The following TCERG1L variants were observed in gnomAD, a reference collection of about 807,000 sequenced individuals.
The protein encoded by TCERG1L is transcription elongation regulator 1-like protein.
In TCERG1L, 37 loss-of-function variants were observed where a neutral mutation model predicts 56.3. The ratio of observed to expected loss-of-function variants is 0.66; its 90% CI spans 0.51 to 0.87. The LOEUF (loss-of-function observed/expected upper bound fraction) is 0.87. Ranked by LOEUF, TCERG1L falls within the 40% of genes least tolerant of loss-of-function variation. TCERG1L has a pLI of 0.00. For missense variants in TCERG1L, 799 were observed against 774.2 expected, an observed-to-expected ratio of 1.03 and a Z score of -0.38; for synonymous variants, 324 against 326.3, an observed-to-expected ratio of 0.99 and a Z score of 0.08.
rs116748158 is a variant in TCERG1L, at chr10:131,151,955, C to T, written c.1035-5295G>A. Reference sequence around the variant, plus strand: ...CAATGGCCTGAGATGTACTTTTGCCCCTTTTAGCCATGGCTGATGCTGAAG... The same window carrying T: ...CAATGGCCTGAGATGTACTTTTGCCTCTTTTAGCCATGGCTGATGCTGAAG... On this transcript the variant is annotated intron_variant, in intron 6 of 11. Transcript: ENST00000368642. 3.1e-3 allele frequency among the ~76,000 whole-genome samples: 469 copies of T among 152,268 alleles called. 1 individual carries two copies. Among genetic ancestry groups the T allele is most frequent in the African/African-American group, 0.01 (435 of 41,562 alleles).
At chr10:131,231,227 G>A (rs183702854) in intron 4 of TCERG1L, among the ~76,000 whole-genome samples, 303 of 152,302 alleles carry the variant, frequency 2.0e-3, no homozygotes, top group African/African-American at 7.1e-3. Flanking sequence ...TGAGGGTTGC[G>A]ACAGTGATGA....
intron 10 of TCERG1L, among the ~76,000 whole-genome samples, chr10:131,099,137 C>T (rs188008776): frequency 6.6e-6 from 1 of 152,164 alleles, no homozygotes; most frequent in Non-Finnish European, 1.5e-5. Context: ...ACCAGAAATG[C>T]ATCTCAAATG....
intron 8 of TCERG1L, among the ~76,000 whole-genome samples, chr10:131,124,281 G>A (rs957826768): frequency 2.6e-5 from 4 of 152,088 alleles, no homozygotes; most frequent in South Asian, 4.1e-4. Flanking sequence ...CTATGCAGCC[G>A]AGCTCCAGAT....
intron 8 of TCERG1L, among the ~76,000 whole-genome samples, chr10:131,132,987 T>C (rs1845635017): frequency 6.6e-6 from 1 of 151,388 alleles, no homozygotes. Flanking sequence ...ACCTCCTACC[T>C]GATCACCTCG....
At chr10:131,162,728 C>T (rs536804550) in intron 6 of TCERG1L, 4 of 161,748 alleles carry the variant, frequency 2.5e-5, no homozygotes, top group South Asian at 2.0e-4. Flanking sequence ...CAAGCAGCCA[C>T]GCAGGGCGAC....
chr10:131,311,677 G>T lies in TCERG1L; in HGVS notation c.-42C>A. ...GACGGCGGCGGCGGGGGCGGCGGGC[G>T]CCCGAGATGCTGGGCCGGCGGCGGC... is the stretch of plus-strand genomic sequence containing the variant. On this transcript the variant is annotated 5_prime_UTR_variant, in exon 1 of 12. Coordinates refer to ENST00000368642, the MANE Select transcript of TCERG1L (RefSeq NM_174937.4). The surrounding 1 kb of genome is among the most constrained non-coding windows in gnomAD (Gnocchi z 4.0). 2 of 1,025,628 alleles carry T rather than the reference G, an allele frequency of 2.0e-6. No individual in the cohort carries two copies. Among genetic ancestry groups the T allele is most frequent in the Admixed American group, 5.2e-5 (1 of 19,326 alleles). 63.5% of individuals were successfully genotyped at this position (1,025,628 alleles called of 1,614,324 possible). A position where few individuals can be genotyped will look rare whatever the true frequency, so the allele number is the denominator to read the frequency against.
intron 4 of TCERG1L, among the ~76,000 whole-genome samples, chr10:131,238,447 C>T (rs1218997171): frequency 6.6e-6 from 1 of 152,140 alleles, no homozygotes; most frequent in African/African-American, 2.4e-5. Context: ...GCAGGGCTGC[C>T]CACACTCAAG....
chr10:131,098,421 A>G lies in TCERG1L; in HGVS notation c.1489T>C (p.Phe497Leu). 1 of 1,544,134 alleles carries G rather than the reference A, an allele frequency of 6.5e-7. No homozygotes were observed. The highest frequency in any genetic ancestry group is 8.7e-7 in the Non-Finnish European group (1 of 1,145,982). The change falls in exon 11 of 12, where the codon TTT (phenylalanine) becomes CTT (leucine). Residue 497 changes from phenylalanine (F) to leucine (L), a missense_variant. Coordinates refer to ENST00000368642, the MANE Select transcript of TCERG1L (RefSeq NM_174937.4). ...LLNSEERKQI[F>L]EQFVKTRIKE... is the part of the protein sequence containing the mutation. ...ATTCTTGTCTTGACAAACTGTTCAA[A>G]TATCTTAAAACACAGATACAGAAGA...
At chr10:131,283,353 G>T (rs1484909112) in intron 3 of TCERG1L, among the ~76,000 whole-genome samples, 1 of 152,188 alleles carries the variant, frequency 6.6e-6, no homozygotes, top group South Asian at 2.1e-4. Flanking sequence ...TTGCCTTCAC[G>T]GGGGACTGGT....
chr10:131,195,259 CCCAT>C (rs1684500753), intron 4 of TCERG1L, among the ~76,000 whole-genome samples: 1 of 152,182 alleles, frequency 6.6e-6, no homozygotes, highest in Non-Finnish European at 1.5e-5. Flanking sequence ...CTTTTATCTG[CCCAT>C]ACCTGGCCGG....
intron 3 of TCERG1L, among the ~76,000 whole-genome samples, chr10:131,306,550 C>T (rs1846820386): frequency 6.6e-6 from 1 of 151,974 alleles, no homozygotes; most frequent in Admixed American, 6.6e-5. Flanking sequence ...AAAATAGATC[C>T]ATTAATGGAT....
At chr10:131,238,205 G>A (rs1275985777) in intron 4 of TCERG1L, among the ~76,000 whole-genome samples, 1 of 152,124 alleles carries the variant, frequency 6.6e-6, no homozygotes, top group Non-Finnish European at 1.5e-5. Flanking sequence ...AGGATCTCAG[G>A]AAACGGCCCC....
At chr10:131,271,799 G>A (rs566040529) in intron 3 of TCERG1L, among the ~76,000 whole-genome samples, 6 of 152,318 alleles carry the variant, frequency 3.9e-5, no homozygotes, top group Admixed American at 1.3e-4. Flanking sequence ...CCCTGTGACC[G>A]GAGACTGAAT....
chr10:131,125,200 G>C (rs372042152), intron 8 of TCERG1L, among the ~76,000 whole-genome samples: 2 of 74,732 alleles, frequency 2.7e-5, no homozygotes, highest in Admixed American at 1.4e-4. Flanking sequence ...CATGATGATG[G>C]TGATGAACAT....
rs149041243 is a variant in TCERG1L at position 131,142,526 on chromosome 10, G to A, written c.1189+3980C>T. ...AATATAAATGGCTAAAGCGTTTACAGAGCAATTAAGCCCAGTGAGGTTCAT... is the reference window on the plus strand; with the variant it reads ...AATATAAATGGCTAAAGCGTTTACAAAGCAATTAAGCCCAGTGAGGTTCAT... On this transcript the variant is annotated intron_variant, in intron 7 of 11. Transcript: ENST00000368642. 1.8e-3 allele frequency among the ~76,000 whole-genome samples: 280 copies of A among 152,320 alleles called. 1 individual carries two copies. The highest frequency in any genetic ancestry group is 6.8e-3 in the Middle Eastern group (2 of 294).
intron 4 of TCERG1L, among the ~76,000 whole-genome samples, chr10:131,188,165 TG>T (rs1845266605): frequency 6.6e-6 from 1 of 152,194 alleles, no homozygotes; most frequent in African/African-American, 2.4e-5. Flanking sequence ...AGCAGTTAAT[TG>T]GTTGTGTTAT....
chr10:131,254,468 C>T (rs1846148089), intron 4 of TCERG1L, among the ~76,000 whole-genome samples: 1 of 152,198 alleles, frequency 6.6e-6, no homozygotes. Flanking sequence ...ACAGGTGGTG[C>T]CCCTGCGCCT....
At chr10:131,098,642 C>T (rs1302997137) in intron 10 of TCERG1L, among the ~76,000 whole-genome samples, 1 of 152,232 alleles carries the variant, frequency 6.6e-6, no homozygotes, top group Non-Finnish European at 1.5e-5. Context: ...CCCGGCATTT[C>T]TCTACATGCA....
rs144551166 is a variant in TCERG1L at position 131,201,495 on chromosome 10, A to G, written c.857-34610T>C. On this transcript the variant is annotated intron_variant, in intron 4 of 11. Coordinates refer to ENST00000368642, the MANE Select transcript of TCERG1L (RefSeq NM_174937.4). ...AGTACTTCAGTTTCATTCATTCATT[A>G]TGGACCCGTCACTGCCAATGTAGAA... Among the ~76,000 whole-genome samples the G allele has an allele frequency of 5.3e-4, 80 of 152,324 alleles. 2 individuals carry two copies. In the East Asian group the frequency reaches 0.015, roughly 29 times the overall value.
Sources: allele counts gnomAD v4.1 joint callset (sites outside exome capture counted in the v4.1 genomes callset), GRCh38; gene constraint gnomAD v4.1.1; non-coding constraint Gnocchi (gnomAD v3.1); transcripts MANE v1.5; gene names NCBI Gene and HGNC (gene_info 2026-07-23, HGNC 2026-07-21).